The following MECOM variants were observed in gnomAD, a reference collection of about 807,000 sequenced individuals.
MECOM encodes MDS1 and EVI1 complex locus, also known as histone-lysine N-methyltransferase MECOM.
MECOM carries 13 observed loss-of-function variants against 116.3 expected under a neutral mutation model. The observed-to-expected ratio is 0.11, with a 90% CI of 0.07 to 0.18. The LOEUF is 0.18. Ranked by LOEUF, MECOM falls within the 10% of genes least tolerant of loss-of-function variation. MECOM has a pLI of 1.00. For synonymous variants in MECOM, 528 were observed against 535.2 expected (o/e 0.99, Z 0.19); for missense variants, 1,299 against 1,509.0 (o/e 0.86, Z 2.31).
chr3:169,469,549 C>T (rs1334348840), intron 1 of MECOM, among the ~76,000 whole-genome samples: 5 of 152,012 alleles, frequency 3.3e-5, no homozygotes, highest in Non-Finnish European at 5.9e-5. Context: ...CACAATAGTC[C>T]TTCTGAAAAA....
chr3:169,196,479 TA>T (rs1748424329), intron 2 of MECOM, among the ~76,000 whole-genome samples: 1 of 152,090 alleles, frequency 6.6e-6, no homozygotes, highest in African/African-American at 2.4e-5. Flanking sequence ...GCATGTGTTT[TA>T]TTTTCATATT....
chr3:169,176,560 A>G (rs925447350), intron 2 of MECOM, among the ~76,000 whole-genome samples: 1 of 152,188 alleles, frequency 6.6e-6, no homozygotes, highest in East Asian at 1.9e-4. Flanking sequence ...GGCATGGGCA[A>G]AGACTTCATG....
At chr3:169,486,006 C>CTATATATATATGTATATATAGTA (rs1560341377) in intron 1 of MECOM, among the ~76,000 whole-genome samples, 6 of 108,562 alleles carry the variant, frequency 5.5e-5, no homozygotes, top group Non-Finnish European at 1.0e-4. Flanking sequence ...TATATATATA[C>CTATATATATATGTATATATAGTA]TATATATATA....
intron 1 of MECOM, among the ~76,000 whole-genome samples, chr3:169,465,006 T>C (rs1748053619): frequency 6.6e-6 from 1 of 152,160 alleles, no homozygotes; most frequent in Admixed American, 6.6e-5. Flanking sequence ...CTTTTTTATG[T>C]GGAAGAATTT....
At chr3:169,650,512 G>T (rs1384535548) in intron 1 of MECOM, among the ~76,000 whole-genome samples, 2 of 152,136 alleles carry the variant, frequency 1.3e-5, no homozygotes, top group African/African-American at 4.8e-5. Flanking sequence ...GCAGCAGGAA[G>T]AAATAGAAAT....
At chr3:169,187,904 A>C (rs1250886731) in intron 2 of MECOM, among the ~76,000 whole-genome samples, 1 of 152,154 alleles carries the variant, frequency 6.6e-6, no homozygotes, top group Non-Finnish European at 1.5e-5. Flanking sequence ...TCTAACTTGT[A>C]TAGCAATCTG....
chr3:169,383,914 C>T (rs1732881272), intron 1 of MECOM, among the ~76,000 whole-genome samples: 1 of 152,162 alleles, frequency 6.6e-6, no homozygotes, highest in Admixed American at 6.6e-5. Context: ...CTCTCTGCAC[C>T]TCTGCCCGAC....
At chr3:169,594,491 G>A (rs1472585880) in intron 1 of MECOM, among the ~76,000 whole-genome samples, 1 of 152,014 alleles carries the variant, frequency 6.6e-6, no homozygotes, top group African/African-American at 2.4e-5. Flanking sequence ...CCAGGGGGCA[G>A]GGCCAGCATT....
At chr3:169,642,350 A>T (rs530546969) in intron 1 of MECOM, among the ~76,000 whole-genome samples, 1 of 151,930 alleles carries the variant, frequency 6.6e-6, no homozygotes, top group East Asian at 1.9e-4. Flanking sequence ...ATTTTAAAAT[A>T]GTCGGGTAAC....
At chr3:169,295,760 C>T (rs1420153217) in intron 2 of MECOM, among the ~76,000 whole-genome samples, 2 of 152,128 alleles carry the variant, frequency 1.3e-5, no homozygotes, top group South Asian at 2.1e-4. Context: ...GGACATTGCC[C>T]GTGCTGCTCT....
At chr3:169,435,606 T>C (rs1355358319) in intron 1 of MECOM, among the ~76,000 whole-genome samples, 3 of 152,202 alleles carry the variant, frequency 2.0e-5, no homozygotes, top group Non-Finnish European at 4.4e-5. Flanking sequence ...GCAACTGGCC[T>C]CTGGATTATG....
At chr3:169,382,928 T>C (rs1307777300) in intron 1 of MECOM, among the ~76,000 whole-genome samples, 3 of 149,494 alleles carry the variant, frequency 2.0e-5, no homozygotes, top group African/African-American at 4.9e-5. Flanking sequence ...TGTTCTACTA[T>C]AGCCTGGATA....
At chr3:169,432,549 C>A (rs1325435411) in intron 1 of MECOM, among the ~76,000 whole-genome samples, 1 of 152,208 alleles carries the variant, frequency 6.6e-6, no homozygotes, top group Non-Finnish European at 1.5e-5. Context: ...CTCTAACACA[C>A]AAACAGACAT....
intron 2 of MECOM, among the ~76,000 whole-genome samples, chr3:169,355,638 G>A (rs757438365): frequency 6.6e-6 from 1 of 151,832 alleles, no homozygotes; most frequent in East Asian, 1.9e-4. Flanking sequence ...AAGCAACACC[G>A]TTAAGACGGC....
intron 1 of MECOM, among the ~76,000 whole-genome samples, chr3:169,437,227 A>G (rs1742808464): frequency 6.6e-6 from 1 of 152,168 alleles, no homozygotes; most frequent in Non-Finnish European, 1.5e-5. Flanking sequence ...ACAATGCCAG[A>G]TTTTCTGGCT....
chr3:169,360,031 T>A (rs976184436), intron 2 of MECOM, among the ~76,000 whole-genome samples: 4 of 151,590 alleles, frequency 2.6e-5, no homozygotes, highest in Non-Finnish European at 5.9e-5. Context: ...CTATAACTGG[T>A]CTTGCCCTTC....
Position 169,369,652 on chromosome 3 carries a change from C to CT in MECOM, c.375+11534dup, listed in dbSNP as rs534669797. 7.9e-5 allele frequency among the ~76,000 whole-genome samples: 12 copies of CT among 151,916 alleles called. No individual in the cohort carries two copies. In the East Asian group the frequency reaches 2.1e-3, roughly 27 times the overall value. The stretch of plus-strand genomic sequence containing the variant: ...GGCATGAACCACCTCACCCAGCCTT[C>CT]TTTTTTTATTTCATTATATTCTAAG... On this transcript the variant is annotated intron_variant, in intron 2 of 16. Transcript: ENST00000651503.
At chr3:169,175,246 A>G (rs1413767783) in intron 2 of MECOM, among the ~76,000 whole-genome samples, 1 of 152,144 alleles carries the variant, frequency 6.6e-6, no homozygotes. Context: ...AATAAATACT[A>G]CAAGTTGAGC....
intron 2 of MECOM, among the ~76,000 whole-genome samples, chr3:169,260,111 TTTC>T (rs773313199): frequency 1.3e-5 from 2 of 152,260 alleles, no homozygotes; most frequent in Non-Finnish European, 2.9e-5. Flanking sequence ...CTAATTTTAA[TTTC>T]TTATTAGTGG....
Sources: allele counts gnomAD v4.1 joint callset (sites outside exome capture counted in the v4.1 genomes callset), GRCh38; gene constraint gnomAD v4.1.1; transcripts MANE v1.5; gene names NCBI Gene and HGNC (gene_info 2026-07-23, HGNC 2026-07-21).